MICALL2: variants seen among roughly 807,000 people sequenced by gnomAD.
MICALL2 encodes MICAL-like protein 2.
Under a neutral mutation model 91.1 loss-of-function variants are expected in MICALL2, and 111 were observed. The observed-to-expected ratio is 1.22, with a 90% CI of 1.04 to 1.43. MICALL2 has a LOEUF of 1.43. Ranked by LOEUF, MICALL2 falls within the 40% of genes most tolerant of loss-of-function variation. MICALL2 has a pLI of 0.00. For synonymous variants in MICALL2, 694 were observed against 525.3 expected (o/e 1.32, Z -4.39); for missense variants, 1,556 against 1,236.0 (o/e 1.26, Z -3.88).
chr7:1,442,028 G>C (rs1780304172), intron 7 of MICALL2, 164 bp downstream of exon 7: 1 of 807,690 alleles, frequency 1.2e-6, no homozygotes, highest in Admixed American at 2.4e-5. Flanking sequence ...GAGCGCACCA[G>C]GACCCCAGGA....
chr7:1,448,899 C>T, intron 2 of MICALL2, 138 bp from the exon 3 acceptor site: 1 of 1,010,628 alleles, frequency 9.9e-7, no homozygotes, highest in East Asian at 2.6e-5. Context: ...GAGTTCTGCT[C>T]GCGTGGCCTC....
Position 1,442,162 on chromosome 7 carries a change from G to A in MICALL2, c.1711+30C>T. The A allele has an allele frequency of 3.1e-6, 5 of 1,608,096 alleles. No individual in the cohort carries two copies. In the South Asian group the frequency reaches 4.4e-5, roughly 14 times the overall value. On this transcript the variant is annotated intron_variant, in intron 7 of 16. Coordinates refer to ENST00000297508, the MANE Select transcript of MICALL2 (RefSeq NM_182924.4). ...AGAGTCCCAGAGCTGCGGGCCCCCGGGGCCTCCTGCCTCCCAGCCCCTTAC... is the reference window on the plus strand; with the variant it reads ...AGAGTCCCAGAGCTGCGGGCCCCCGAGGCCTCCTGCCTCCCAGCCCCTTAC...
At position 1,451,107 on chromosome 7, in the gene MICALL2, A is replaced by G. The variant is rs764395373; in HGVS notation, c.144-819T>C. Among the ~76,000 whole-genome samples, 6 of 151,994 alleles carry G rather than the reference A, an allele frequency of 3.9e-5. No individual in the cohort carries two copies. Among genetic ancestry groups the G allele is most frequent in the Non-Finnish European group, 8.8e-5 (6 of 67,970 alleles). On this transcript the variant is annotated intron_variant, in intron 1 of 16. Transcript: ENST00000297508. The surrounding 1 kb of genome is among the most constrained non-coding windows in gnomAD (Gnocchi z 4.5). Reference sequence around the variant, plus strand: ...GCCTCACCCCTGACTCGCACACTACACCACAGGGATGCAAGGGTCCCGGGA... The same window carrying G: ...GCCTCACCCCTGACTCGCACACTACGCCACAGGGATGCAAGGGTCCCGGGA...
At position 1,438,897 on chromosome 7, in the gene MICALL2, C is replaced by T; in HGVS notation, c.2065G>A (p.Ala689Thr). Residue 689 changes from alanine (A) to threonine (T), a missense_variant, in exon 10 of 17, where the codon GCC (alanine) becomes ACC (threonine). Physicochemically the swap from Ala to Thr is moderately conservative, Grantham distance 58. Coordinates refer to ENST00000297508, the MANE Select transcript of MICALL2 (RefSeq NM_182924.4). ...WLRPEPPGQE[A>T]RVQSWKEEEK... The stretch of plus-strand genomic sequence containing the variant: ...TCCTCCTTCCAGCTCTGCACTCGGG[C>T]TTCCTGGCCAGGGGGCTCCGGCCGA... 6.2e-7 allele frequency: 1 copy of T among 1,610,604 alleles called. No homozygotes were observed. Among genetic ancestry groups the T allele is most frequent in the Middle Eastern group, 1.7e-4 (1 of 6,056 alleles).
chr7:1,439,720 CAT>C, intron 9 of MICALL2: 1 of 442,356 alleles, frequency 2.3e-6, no homozygotes, highest in Non-Finnish European at 3.9e-6. Flanking sequence ...ACAGGCATCA[CAT>C]ACATGAACAC....
rs1217783234 is a variant in MICALL2, at chr7:1,447,683, G to C, written c.417C>G (p.Ala139=). The change falls in exon 4 of 17, where the codon GCC becomes GCG. Residue 139 remains alanine, a synonymous_variant. Coordinates refer to ENST00000297508, the MANE Select transcript of MICALL2 (RefSeq NM_182924.4). The part of the protein sequence containing the change: ...PSGKKAPVQA[A]KLPSPAPARK... Reference sequence around the variant, plus strand: ...GGGCTGGGGCGGGCGAGGGCAGCTTGGCCGCCTGGACTGGAGCCTTCTTCC... The same window carrying C: ...GGGCTGGGGCGGGCGAGGGCAGCTTCGCCGCCTGGACTGGAGCCTTCTTCC... 6.3e-7 allele frequency: 1 copy of C among 1,583,078 alleles called. No homozygotes were observed. The highest frequency in any genetic ancestry group is 1.3e-5 in the African/African-American group (1 of 74,392).
chr7:1,455,634 C>T (rs1780987451), intron 1 of MICALL2, among the ~76,000 whole-genome samples: 1 of 150,618 alleles, frequency 6.6e-6, no homozygotes, highest in East Asian at 1.9e-4. Context: ...TCCCCGCCCC[C>T]TCCACCCGGG....
intron 9 of MICALL2, chr7:1,439,690 C>T: frequency 2.4e-6 from 1 of 425,502 alleles, no homozygotes; most frequent in Admixed American, 4.4e-5. Context: ...CACATGCGCA[C>T]ACATGCATCA....
rs1413227238 is a variant in MICALL2 at position 1,459,292 on chromosome 7, C to G, written c.35G>C (p.Arg12Pro). The change falls in exon 1 of 17, where the codon CGG (arginine) becomes CCG (proline). Residue 12 changes from arginine to proline, a missense_variant. Arg to Pro is a moderately radical substitution (Grantham distance 103, BLOSUM62 -2). Coordinates refer to ENST00000297508, the MANE Select transcript of MICALL2 (RefSeq NM_182924.4). ...AAIRALQQWC[R>P]QQCEGYRDVN... ...GTCGCGGTAGCCCTCGCACTGCTGC[C>G]GGCACCACTGTTGCAGCGCCCTGAT... The G allele has an allele frequency of 1.3e-6, 2 of 1,599,172 alleles. No homozygotes were observed. Among genetic ancestry groups the G allele is most frequent in the South Asian group, 2.2e-5 (2 of 88,912 alleles).
Position 1,448,848 on chromosome 7 carries a change from A to G in MICALL2, c.193-87T>C, listed in dbSNP as rs1780710282. On this transcript the variant is annotated intron_variant, in intron 2 of 16. Transcript: ENST00000297508. ...GCAGCTCACCTCGACTCAAAGACAC[A>G]GTCTTGGAGCCCAAAGAGGCGTGGG... 5.9e-6 allele frequency: 9 copies of G among 1,517,596 alleles called. No homozygotes were observed. The East Asian group carries it at 2.0e-4, about 34-fold the overall frequency. 94.0% of individuals were successfully genotyped at this position (1,517,596 alleles called of 1,614,324 possible). A position where few individuals can be genotyped will look rare whatever the true frequency, so the allele number is the denominator to read the frequency against.
At chr7:1,438,797 C>T (rs375575715) in intron 10 of MICALL2, 43 bp downstream of exon 10, 44 of 1,561,976 alleles carry the variant, frequency 2.8e-5, no homozygotes, top group Non-Finnish European at 3.5e-5. Flanking sequence ...GGAAGGCTCC[C>T]TTCACGTACA....
At position 1,452,110 on chromosome 7, in the gene MICALL2, G is replaced by A. The variant is rs1780855910; in HGVS notation, c.144-1822C>T. 6.6e-6 allele frequency among the ~76,000 whole-genome samples: 1 copy of A among 152,092 alleles called. No homozygotes were observed. Among genetic ancestry groups the A allele is most frequent in the African/African-American group, 2.4e-5 (1 of 41,402 alleles). On this transcript the variant is annotated intron_variant, in intron 1 of 16. Transcript: ENST00000297508. This position sits in a 1 kb window ranked among gnomAD's most constrained non-coding sequence, Gnocchi z 6.2. ...GGAACCCTCCACCGTTTCCAGCTTG[G>A]ACCCCCTCCCAGGTAACAGGTTTCA...
At chr7:1,445,774 G>T (rs1780545478) in intron 5 of MICALL2, among the ~76,000 whole-genome samples, 1 of 152,170 alleles carries the variant, frequency 6.6e-6, no homozygotes, top group Non-Finnish European at 1.5e-5. Flanking sequence ...CCCACCTCGG[G>T]GCTGACCCAC....
At position 1,446,695 on chromosome 7, in the gene MICALL2, G is replaced by A; in HGVS notation, c.641+18C>T. ...GGGGAGGTGCACACTCAGGCGTGCGGGCAGAGGGCAGCCCCACCTGAAGCA... is the reference window on the plus strand; with the variant it reads ...GGGGAGGTGCACACTCAGGCGTGCGAGCAGAGGGCAGCCCCACCTGAAGCA... On this transcript the variant is annotated intron_variant, in intron 5 of 16. Transcript: ENST00000297508. The A allele has an allele frequency of 2.6e-6, 4 of 1,557,536 alleles. No individual in the cohort carries two copies. Among genetic ancestry groups the A allele is most frequent in the Non-Finnish European group, 3.5e-6 (4 of 1,146,926 alleles).
At chr7:1,442,115 C>G in intron 7 of MICALL2, 77 bp downstream of exon 7, 1 of 1,509,218 alleles carries the variant, frequency 6.6e-7, no homozygotes, top group Non-Finnish European at 9.1e-7. Flanking sequence ...AAACCGCACA[C>G]ACTGCAGAGT....
rs910418101 is a variant in MICALL2 at position 1,436,865 on chromosome 7, A to G, written c.2477-9T>C. On this transcript the variant is annotated splice_polypyrimidine_tract_variant and intron_variant, in intron 14 of 16. Transcript: ENST00000297508. The stretch of plus-strand genomic sequence containing the variant: ...CAGTGACTTCAGAGCCTCTGTGGGG[A>G]TGGCTCGTCAGCAGGAGCCCCCCCC... 1 of 1,561,210 alleles carries G rather than the reference A, an allele frequency of 6.4e-7. No homozygotes were observed. The highest frequency in any genetic ancestry group is 1.8e-5 in the Admixed American group (1 of 54,792).
rs187789627 is a variant in MICALL2 at position 1,446,517 on chromosome 7, A to G, written c.641+196T>C. 3.5e-3 allele frequency: 1,672 copies of G among 471,840 alleles called. 46 individuals are homozygous for G. In the African/African-American group the frequency reaches 0.04, roughly 11 times the overall value. 29.2% of individuals were successfully genotyped at this position (471,840 alleles called of 1,614,324 possible). On this transcript the variant is annotated intron_variant, in intron 5 of 16. Transcript: ENST00000297508. ...GATGGGAAGGAAAGTGAAAGGGAGA[A>G]GAGGGAGAAGGGGAGGAGAGGGGAG...
chr7:1,457,462 C>T (rs561439016), intron 1 of MICALL2, among the ~76,000 whole-genome samples: 9 of 152,344 alleles, frequency 5.9e-5, no homozygotes, highest in African/African-American at 1.7e-4. Flanking sequence ...GGCTTTTATT[C>T]ATTTACCTGT....
chr7:1,444,940 TG>T lies in MICALL2; in HGVS notation c.1129del (p.Gln377ArgfsTer120). 2 of 1,518,570 alleles carry T rather than the reference TG, an allele frequency of 1.3e-6. No individual in the cohort carries two copies. Among genetic ancestry groups the T allele is most frequent in the South Asian group, 1.3e-5 (1 of 79,730 alleles). The allele number at this position is 1,518,570 out of a possible 1,614,324, so 94.1% of individuals were successfully genotyped here. On this transcript the variant is annotated frameshift_variant, in exon 6 of 17. Coordinates refer to ENST00000297508, the MANE Select transcript of MICALL2 (RefSeq NM_182924.4). LOFTEE classifies it high-confidence loss of function. ...SAPDPRPATP[Q>X]GGGAPRVAAP... is the part of the protein sequence containing the mutation. ...TGCCACTCGGGGGGCTCCCCCACCC[TG>T]GGGTGTGGCCGGGCGAGGGTCTGGG...
Sources: allele counts gnomAD v4.1 joint callset (sites outside exome capture counted in the v4.1 genomes callset), GRCh38; gene constraint gnomAD v4.1.1; non-coding constraint Gnocchi (gnomAD v3.1); transcripts MANE v1.5; gene names NCBI Gene and HGNC (gene_info 2026-07-23, HGNC 2026-07-21).